The following SIRPG variants were observed in gnomAD, a reference collection of about 807,000 sequenced individuals.
SIRPG encodes the protein signal regulatory protein gamma.
A neutral mutation model predicts 35.7 loss-of-function variants in SIRPG; 38 were observed. The observed-to-expected ratio is 1.06, with a 90% CI of 0.82 to 1.40. SIRPG has a LOEUF of 1.40. Ranked by LOEUF, SIRPG falls within the 40% of genes most tolerant of loss-of-function variation. SIRPG has a pLI of 0.00. For missense variants in SIRPG, 519 were observed against 483.0 expected (o/e 1.07, Z -0.70); for synonymous variants, 215 against 190.4 (o/e 1.13, Z -1.06).
chr20:1,667,704 C>A, the SIRPG span, among the ~76,000 whole-genome samples: 1 of 152,174 alleles, frequency 6.6e-6, no homozygotes, highest in Admixed American at 6.5e-5. Flanking sequence ...CCTCTGGGTG[C>A]ACCTGAGCAG....
At chr20:1,659,008 G>C (rs2122594497), upstream of SIRPG, among the ~76,000 whole-genome samples, 1 of 152,240 alleles carries the variant, frequency 6.6e-6, no homozygotes, top group East Asian at 1.9e-4. Flanking sequence ...CTGAGCCTTG[G>C]TTTGATTGTA....
At chr20:1,655,159 T>C (rs544451403) in intron 1 of SIRPG, among the ~76,000 whole-genome samples, 1 of 152,188 alleles carries the variant, frequency 6.6e-6, no homozygotes, top group East Asian at 1.9e-4. Context: ...TTATCTGATC[T>C]GGTAATCTCA....
intron 2 of SIRPG, among the ~76,000 whole-genome samples, chr20:1,640,407 C>CT (rs2091843003): frequency 6.6e-6 from 1 of 152,020 alleles, no homozygotes; most frequent in African/African-American, 2.4e-5. Context: ...TGGCTCTCTG[C>CT]TTGTCTATTG....
At chr20:1,668,150 T>C in the SIRPG span, among the ~76,000 whole-genome samples, 2 of 113,108 alleles carry the variant, frequency 1.8e-5, no homozygotes, top group Admixed American at 9.1e-5. Flanking sequence ...TTCTTTTCTT[T>C]TTTTCTTTTC....
At chr20:1,648,985 A>G in intron 2 of SIRPG, 67 bp downstream of exon 2, 8 of 1,352,234 alleles carry the variant, frequency 5.9e-6, no homozygotes, top group Non-Finnish European at 8.3e-6. Context: ...TGCTCAAAGA[A>G]TGGAAGGTGT....
chr20:1,675,086 G>T, the SIRPG span, among the ~76,000 whole-genome samples: 2 of 152,156 alleles, frequency 1.3e-5, no homozygotes, highest in African/African-American at 4.8e-5. Context: ...GGGTGCCCGG[G>T]CCCAGATACC....
chr20:1,657,868 TACAAATCAGGC>T (rs2091984849), upstream of SIRPG: 1 of 642,696 alleles, frequency 1.6e-6, no homozygotes, highest in South Asian at 2.3e-5. Context: ...GATTGTGACT[TACAAATCAGGC>T]ACAGTAGGCA....
chr20:1,684,207 A>G, the SIRPG span, among the ~76,000 whole-genome samples: 171 of 152,334 alleles, frequency 1.1e-3, no homozygotes, highest in African/African-American at 3.8e-3. Flanking sequence ...ATGTAAGGTA[A>G]TGCATAGGTT....
rs986816973 is a variant in SIRPG, at chr20:1,636,418, A to G, written c.518T>C (p.Phe173Ser). 1.2e-6 allele frequency: 2 copies of G among 1,614,070 alleles called. No individual in the cohort carries two copies. The highest frequency in any genetic ancestry group is 2.7e-5 in the African/African-American group (2 of 74,920). ...TVSFTCESHGFSPRDITLKWF... is the reference protein window; with the variant it reads ...TVSFTCESHGSSPRDITLKWF... ...TTTCAGGGTGATGTCTCTGGGAGAG[A>G]AGCCATGGGACTCACAGGTGAAACT... The change falls in exon 3 of 6, where the codon TTC becomes TCC. Residue 173 changes from phenylalanine to serine, a missense_variant. Phe to Ser is a radical substitution (Grantham distance 155). Transcript: ENST00000303415.
At chr20:1,675,869 C>G in the SIRPG span, among the ~76,000 whole-genome samples, 1 of 140,952 alleles carries the variant, frequency 7.1e-6, no homozygotes, top group African/African-American at 2.5e-5. Context: ...CAGTGAGCTG[C>G]ACTGTTTTTT....
chr20:1,680,865 G>A, the SIRPG span, among the ~76,000 whole-genome samples: 1 of 152,078 alleles, frequency 6.6e-6, no homozygotes, highest in Non-Finnish European at 1.5e-5. Context: ...ACTATTCACT[G>A]TCTAATTTAC....
At chr20:1,644,637 T>G (rs1158090862) in intron 2 of SIRPG, among the ~76,000 whole-genome samples, 1 of 152,230 alleles carries the variant, frequency 6.6e-6, no homozygotes, top group Non-Finnish European at 1.5e-5. Context: ...GAATGGCTGT[T>G]GAGAATCTGT....
intron 1 of SIRPG, 45 bp from the exon 2 acceptor site, chr20:1,649,453 C>T: frequency 6.7e-7 from 1 of 1,499,764 alleles, no homozygotes; most frequent in South Asian, 1.3e-5. Context: ...CTTACATAAT[C>T]CTGTATTTCC....
chr20:1,677,657 C>T, the SIRPG span, among the ~76,000 whole-genome samples: 2 of 152,168 alleles, frequency 1.3e-5, no homozygotes, highest in Non-Finnish European at 2.9e-5. Context: ...AGAAATGTAT[C>T]ATATTGTAGT....
At chr20:1,646,027 C>T (rs2091894968) in intron 2 of SIRPG, 1 of 152,180 alleles carries the variant, frequency 6.6e-6, no homozygotes, top group African/African-American at 2.4e-5. Context: ...CATTTTCTTT[C>T]TCTTAAAGGA....
intron 2 of SIRPG, among the ~76,000 whole-genome samples, chr20:1,638,870 G>A (rs1362833034): frequency 6.7e-6 from 1 of 150,322 alleles, no homozygotes; most frequent in East Asian, 2.0e-4. Flanking sequence ...AACATGTGGT[G>A]TTTGCTTTTC....
At chr20:1,638,371 G>A (rs1245790607) in intron 2 of SIRPG, 1 of 152,088 alleles carries the variant, frequency 6.6e-6, no homozygotes, top group East Asian at 1.9e-4. Flanking sequence ...CAAGAGGTTT[G>A]GTCATTACTA....
chr20:1,686,196 T>G, the SIRPG span, among the ~76,000 whole-genome samples: 21,776 of 152,166 alleles, frequency 0.14, 2,551 homozygotes, highest in East Asian at 0.58. Context: ...TCCCTGATCT[T>G]CTGCTCTCAG....
intron 2 of SIRPG, chr20:1,637,394 A>C (rs1004166642): frequency 1.7e-5 from 3 of 173,834 alleles, no homozygotes; most frequent in Non-Finnish European, 4.1e-5. Flanking sequence ...TGTCCTAATT[A>C]AGTAACCAAT....
Sources: allele counts gnomAD v4.1 joint callset (sites outside exome capture counted in the v4.1 genomes callset), GRCh38; gene constraint gnomAD v4.1.1; transcripts MANE v1.5; gene names NCBI Gene and HGNC (gene_info 2026-07-23, HGNC 2026-07-21).